Variants in CRTAM observed in about 807,000 individuals in gnomAD.
CRTAM encodes the protein cytotoxic and regulatory T cell molecule.
In CRTAM, 44 loss-of-function variants were observed where a neutral mutation model predicts 50.0. That is an observed-to-expected ratio of 0.88 (90% CI 0.69 to 1.13). The LOEUF is 1.13. Among genes scored for constraint, CRTAM ranks in the 50% most tolerant of loss-of-function variants. The pLI is 0.00. For synonymous variants in CRTAM, 159 were observed against 169.3 expected, an observed-to-expected ratio of 0.94 and a Z score of 0.47; for missense variants, 448 against 457.5, an observed-to-expected ratio of 0.98 and a Z score of 0.19.
At position 122,846,809 on chromosome 11, in the gene CRTAM, G is replaced by A. The variant is rs1025012286; in HGVS notation, c.47-3259G>A. ...AACTGTTCCAATTTAGATTTACTGC[G>A]ACTGGAACTGCTTCTTCCTTAATGT... is the stretch of plus-strand genomic sequence containing the variant. On this transcript the variant is annotated intron_variant, in intron 1 of 9. Coordinates refer to ENST00000227348, the MANE Select transcript of CRTAM (RefSeq NM_019604.4). 4.6e-5 allele frequency among the ~76,000 whole-genome samples: 7 copies of A among 152,076 alleles called. 1 individual carries two copies. The highest frequency in any genetic ancestry group is 6.6e-5 in the Admixed American group (1 of 15,264).
In CRTAM at chr11:122,839,410, C is replaced by T. The variant is rs372499690; in HGVS notation, c.46+818C>T. ...TGAAAGCACTTTGAAAATGATAAAG[C>T]GCTGTGCAACACTTATTTAGCTCAG... On this transcript the variant is annotated intron_variant, in intron 1 of 9. Transcript: ENST00000227348. Among the ~76,000 whole-genome samples the T allele has an allele frequency of 3.3e-5, 5 of 152,218 alleles. No homozygotes were observed. In the East Asian group the frequency reaches 7.7e-4, roughly 23 times the overall value.
At chr11:122,870,731 T>C (rs1178152512) in intron 9 of CRTAM, among the ~76,000 whole-genome samples, 1 of 152,232 alleles carries the variant, frequency 6.6e-6, no homozygotes, top group Non-Finnish European at 1.5e-5. Context: ...GAAATATCTG[T>C]ATATTTTATT....
At chr11:122,853,416 A>G (rs1591351601) in intron 3 of CRTAM, among the ~76,000 whole-genome samples, 1 of 152,040 alleles carries the variant, frequency 6.6e-6, no homozygotes, top group South Asian at 2.1e-4. Flanking sequence ...TTGTTCGGGA[A>G]TTTTCAGAGA....
In CRTAM at chr11:122,846,812, T is replaced by G. The variant is rs143320309; in HGVS notation, c.47-3256T>G. Among the ~76,000 whole-genome samples the G allele has an allele frequency of 3.2e-4, 49 of 152,358 alleles. No homozygotes were observed. In the East Asian group the frequency reaches 4.2e-3, roughly 13 times the overall value. ...TGTTCCAATTTAGATTTACTGCGACTGGAACTGCTTCTTCCTTAATGTCTA... is the reference window on the plus strand; with the variant it reads ...TGTTCCAATTTAGATTTACTGCGACGGGAACTGCTTCTTCCTTAATGTCTA... On this transcript the variant is annotated intron_variant, in intron 1 of 9. Coordinates refer to ENST00000227348, the MANE Select transcript of CRTAM (RefSeq NM_019604.4).
At chr11:122,853,100 G>A (rs958436759) in intron 3 of CRTAM, among the ~76,000 whole-genome samples, 1 of 149,034 alleles carries the variant, frequency 6.7e-6, no homozygotes, top group African/African-American at 2.5e-5. Context: ...GTCTTGCTCT[G>A]TTGCCCGGGC....
intron 5 of CRTAM, among the ~76,000 whole-genome samples, chr11:122,858,545 G>A (rs944601762): frequency 4.6e-5 from 7 of 151,424 alleles, no homozygotes; most frequent in Non-Finnish European, 1.0e-4. Flanking sequence ...TGTTGTTCTT[G>A]TTGAGACAAG....
At chr11:122,838,645 A>T in intron 1 of CRTAM, 53 bp downstream of exon 1, 1 of 1,538,272 alleles carries the variant, frequency 6.5e-7, no homozygotes, top group South Asian at 1.1e-5. Flanking sequence ...ATGTTTTGCC[A>T]CATCTACCTA....
At chr11:122,862,092 C>A (rs1862092719) in intron 5 of CRTAM, among the ~76,000 whole-genome samples, 1 of 152,148 alleles carries the variant, frequency 6.6e-6, no homozygotes, top group South Asian at 2.1e-4. Flanking sequence ...TGGAATTCAG[C>A]CCAGTCTGAG....
intron 5 of CRTAM, among the ~76,000 whole-genome samples, chr11:122,857,653 AT>A (rs558315102): frequency 1.4e-4 from 21 of 152,306 alleles, no homozygotes; most frequent in African/African-American, 4.8e-4. Flanking sequence ...TGTTACAAAC[AT>A]TTTGTTCACC....
intron 7 of CRTAM, among the ~76,000 whole-genome samples, chr11:122,866,697 T>C (rs941973139): frequency 7.9e-5 from 12 of 151,980 alleles, no homozygotes; most frequent in African/African-American, 2.7e-4. Context: ...CTTAAACTCC[T>C]GGACTCAAGT....
intron 6 of CRTAM, among the ~76,000 whole-genome samples, chr11:122,863,247 AAGAG>A (rs1555042355): frequency 1.4e-5 from 2 of 144,896 alleles, no homozygotes; most frequent in Admixed American, 7.1e-5. Context: ...GAAAGAAAGA[AAGAG>A]AGAAAGAAAA....
At chr11:122,840,588 G>A (rs1861786770) in intron 1 of CRTAM, among the ~76,000 whole-genome samples, 1 of 152,180 alleles carries the variant, frequency 6.6e-6, no homozygotes, top group Non-Finnish European at 1.5e-5. Context: ...TGGCATTTGA[G>A]CAGTGGCTGC....
chr11:122,839,141 C>T (rs1360895106), intron 1 of CRTAM, among the ~76,000 whole-genome samples: 1 of 151,968 alleles, frequency 6.6e-6, no homozygotes. Flanking sequence ...ACCGTGTTAG[C>T]CAGGATGGTC....
At chr11:122,848,648 A>G (rs1308830346) in intron 1 of CRTAM, among the ~76,000 whole-genome samples, 4 of 152,220 alleles carry the variant, frequency 2.6e-5, no homozygotes, top group African/African-American at 9.6e-5. Flanking sequence ...ATTAATTCCC[A>G]GAGCTCTCCA....
At chr11:122,862,293 A>T in intron 5 of CRTAM, 171 bp from the exon 6 acceptor site, 1 of 611,240 alleles carries the variant, frequency 1.6e-6, no homozygotes, top group Non-Finnish European at 2.9e-6. Flanking sequence ...ACTCAGTGGG[A>T]TACAGATTCA....
At position 122,851,697 on chromosome 11, in the gene CRTAM, A is replaced by T. The variant is rs367891560; in HGVS notation, c.198A>T (p.Leu66Phe). Residue 66 changes from leucine (L) to phenylalanine (F), a missense_variant, in exon 3 of 10, where the codon TTA becomes TTT. Transcript: ENST00000227348. Reference sequence around the variant, plus strand: ...CTCTATTTCCCTCTTGTACAGCTTTAAAAAATTCCAAATACCAGCTTCTTC... The same window carrying T: ...CTCTATTTCCCTCTTGTACAGCTTTTAAAAATTCCAAATACCAGCTTCTTC... ...FTIFLNEYPA[L>F]KNSKYQLLHH... 6.2e-6 allele frequency: 10 copies of T among 1,614,056 alleles called. No individual in the cohort carries two copies. In the African/African-American group the frequency reaches 6.7e-5, roughly 11 times the overall value.
rs1400658792 is a variant in CRTAM at position 122,872,378 on chromosome 11, A to G, written c.*979A>G. The G allele has an allele frequency of 6.6e-5, 10 of 152,308 alleles. No homozygotes were observed. The highest frequency in any genetic ancestry group is 2.4e-4 in the African/African-American group (10 of 41,460). The allele number at this position is 152,308 out of a possible 1,614,324, so 9.4% of individuals were successfully genotyped here. A position where few individuals can be genotyped will look rare whatever the true frequency, so the allele number is the denominator to read the frequency against. On this transcript the variant is annotated 3_prime_UTR_variant, in exon 10 of 10. Coordinates refer to ENST00000227348, the MANE Select transcript of CRTAM (RefSeq NM_019604.4). ...TTTACCTGGAAATTCCATGACCAAT[A>G]CATGTGCAAAAGAAAATGATGGGTT...
At chr11:122,870,524 A>G (rs1862240236) in intron 9 of CRTAM, among the ~76,000 whole-genome samples, 1 of 152,070 alleles carries the variant, frequency 6.6e-6, no homozygotes, top group African/African-American at 2.4e-5. Context: ...AGCACCCTCA[A>G]ATCTAGCATT....
intron 5 of CRTAM, among the ~76,000 whole-genome samples, chr11:122,859,900 G>T (rs1862050966): frequency 6.6e-6 from 1 of 151,798 alleles, no homozygotes; most frequent in Non-Finnish European, 1.5e-5. Flanking sequence ...ACTTTCCAAT[G>T]TTGATATATT....
Sources: allele counts gnomAD v4.1 joint callset (sites outside exome capture counted in the v4.1 genomes callset), GRCh38; gene constraint gnomAD v4.1.1; transcripts MANE v1.5; gene names NCBI Gene and HGNC (gene_info 2026-07-23, HGNC 2026-07-21).